Variants in TLE2 observed in about 807,000 individuals in gnomAD.
TLE2 encodes TLE family member 2, transcriptional corepressor, also known as transducin-like enhancer protein 2.
A neutral mutation model predicts 97.2 loss-of-function variants in TLE2; 74 were observed. The ratio of observed to expected loss-of-function variants is 0.76; its 90% confidence interval spans 0.63 to 0.92. TLE2 has a LOEUF of 0.92. Ranked by LOEUF, TLE2 falls within the 40% of genes least tolerant of loss-of-function variation. The pLI, the probability that TLE2 is intolerant of heterozygous loss-of-function variation, is 0.00. For synonymous variants in TLE2, 499 were observed against 432.1 expected, an observed-to-expected ratio of 1.15 and a Z score of -1.92; for missense variants, 1,038 against 1,008.7, an observed-to-expected ratio of 1.03 and a Z score of -0.39.
intron 1 of TLE2, among the ~76,000 whole-genome samples, chr19:3,041,862 G>A (rs2090105569): frequency 6.6e-6 from 1 of 152,182 alleles, no homozygotes; most frequent in Admixed American, 6.5e-5. Context: ...GAGAGGCCTA[G>A]GGACCTGCCC....
chr19:3,007,815 T>G (rs1467024102), intron 14 of TLE2, among the ~76,000 whole-genome samples: 1 of 152,182 alleles, frequency 6.6e-6, no homozygotes, highest in Non-Finnish European at 1.5e-5. Context: ...GCCGGCACAG[T>G]GGCTCACACC....
At chr19:3,041,875 G>A (rs1348799310) in intron 1 of TLE2, among the ~76,000 whole-genome samples, 1 of 152,136 alleles carries the variant, frequency 6.6e-6, no homozygotes, top group African/African-American at 2.4e-5. Flanking sequence ...ACCTGCCCAC[G>A]GTCACACAGC....
intron 19 of TLE2, among the ~76,000 whole-genome samples, chr19:2,999,137 C>G (rs954979030): frequency 3.3e-5 from 5 of 151,944 alleles, no homozygotes; most frequent in Admixed American, 6.6e-5. Context: ...CAAAACTTAG[C>G]CAGGCATGGT....
chr19:3,006,543 C>A lies in TLE2; in HGVS notation c.1377G>T (p.Val459=). The A allele has an allele frequency of 6.2e-7, 1 of 1,606,054 alleles. No homozygotes were observed. Among genetic ancestry groups the A allele is most frequent in the Non-Finnish European group, 8.5e-7 (1 of 1,177,216 alleles). The change falls in exon 15 of 20, where the codon GTG becomes GTT. Residue 459 remains valine, a synonymous_variant. Transcript: ENST00000262953. ...AGCCGCTGATGGTGACCGCGCAGAC[C>A]ACCTCGCCATGGGCCAGCGTGTGCA... ...RQLHTLAHGE[V]VCAVTISGST...
intron 5 of TLE2, among the ~76,000 whole-genome samples, chr19:3,023,953 C>T (rs2089896294): frequency 6.7e-6 from 1 of 149,908 alleles, no homozygotes; most frequent in Non-Finnish European, 1.5e-5. Flanking sequence ...TGCAAAGGTA[C>T]TGAGGATGAA....
At chr19:3,009,947 C>T (rs1219026291) in intron 12 of TLE2, among the ~76,000 whole-genome samples, 10 of 151,366 alleles carry the variant, frequency 6.6e-5, no homozygotes, top group South Asian at 4.2e-4. Context: ...TTCAGTGGCG[C>T]GATCTCGGCT....
intron 19 of TLE2, 119 bp downstream of exon 19, chr19:3,000,525 TGAG>T: frequency 1.2e-6 from 1 of 853,944 alleles, no homozygotes. Flanking sequence ...TGCAGGACCC[TGAG>T]GAGGGGTTAG....
At chr19:3,042,863 T>G (rs1172529279) in intron 1 of TLE2, among the ~76,000 whole-genome samples, 1 of 151,974 alleles carries the variant, frequency 6.6e-6, no homozygotes, top group Non-Finnish European at 1.5e-5. Context: ...AGTGGGGACT[T>G]GGAGAAGGAG....
intron 5 of TLE2, among the ~76,000 whole-genome samples, chr19:3,021,346 A>G (rs912299527): frequency 6.6e-6 from 1 of 151,124 alleles, no homozygotes; most frequent in South Asian, 2.1e-4. Flanking sequence ...TAGAGATTGC[A>G]GTGAGCCAAG....
rs1365810188 is a variant in TLE2, at chr19:3,005,592, G to C, written c.1749-8C>G. 2 of 1,612,892 alleles carry C rather than the reference G, an allele frequency of 1.2e-6. No homozygotes were observed. Among genetic ancestry groups the C allele is most frequent in the Non-Finnish European group, 1.7e-6 (2 of 1,179,566 alleles). ...GTGTGGCCCTGGAACTGCCTGGAGG[G>C]AGAAGGGCCCAGGCGTCCATCCTGG... On this transcript the variant is annotated splice_region_variant and splice_polypyrimidine_tract_variant and intron_variant, in intron 16 of 19. Coordinates refer to ENST00000262953, the MANE Select transcript of TLE2 (RefSeq NM_003260.5).
intron 9 of TLE2, among the ~76,000 whole-genome samples, chr19:3,015,058 CAAAA>C (rs34658846): frequency 9.2e-5 from 12 of 130,492 alleles, no homozygotes; most frequent in African/African-American, 8.7e-5. Context: ...AATTCATTGC[CAAAA>C]AAAAAAAAAA....
At chr19:2,999,373 C>G (rs926665236) in intron 19 of TLE2, among the ~76,000 whole-genome samples, 9 of 152,050 alleles carry the variant, frequency 5.9e-5, no homozygotes, top group African/African-American at 2.2e-4. Flanking sequence ...CAGCCAATAA[C>G]AAGTGTTGGT....
chr19:3,036,830 G>A (rs1157289964), intron 1 of TLE2, among the ~76,000 whole-genome samples: 2 of 152,198 alleles, frequency 1.3e-5, no homozygotes, highest in Non-Finnish European at 1.5e-5. Flanking sequence ...CCCAAGTTTG[G>A]GAGGAGGGGG....
Position 3,019,844 on chromosome 19 carries a change from C to T in TLE2, c.295-71G>A. On this transcript the variant is annotated intron_variant, in intron 5 of 19. Coordinates refer to ENST00000262953, the MANE Select transcript of TLE2 (RefSeq NM_003260.5). This position sits in a 1 kb window ranked among gnomAD's most constrained non-coding sequence, Gnocchi z 5.1. Reference sequence around the variant, plus strand: ...TCATGCTAGCGGTGCCCTTGGGGACCTGACCTCTCCCCGCCACCCTCTCAT... The same window carrying T: ...TCATGCTAGCGGTGCCCTTGGGGACTTGACCTCTCCCCGCCACCCTCTCAT... The T allele has an allele frequency of 6.5e-7, 1 of 1,535,732 alleles. No individual in the cohort carries two copies.
chr19:3,006,685 G>A lies in TLE2; in HGVS notation c.1251-16C>T. ...GGAGTAGGCCCTGGAGAGAAAGCCG[G>A]GGCATGACCCAGCCCTGGGCACCAC... On this transcript the variant is annotated splice_polypyrimidine_tract_variant and intron_variant, in intron 14 of 19. Transcript: ENST00000262953. 1 of 1,573,542 alleles carries A rather than the reference G, an allele frequency of 6.4e-7. No homozygotes were observed. The highest frequency in any genetic ancestry group is 8.6e-7 in the Non-Finnish European group (1 of 1,156,978).
intron 5 of TLE2, among the ~76,000 whole-genome samples, chr19:3,023,685 G>A (rs2089889733): frequency 6.6e-6 from 1 of 151,970 alleles, no homozygotes. Context: ...TTGAGTCCGG[G>A]GGTTCGAGAC....
intron 1 of TLE2, among the ~76,000 whole-genome samples, chr19:3,040,687 G>A (rs979160728): frequency 2.0e-5 from 3 of 151,744 alleles, no homozygotes; most frequent in South Asian, 2.1e-4. Flanking sequence ...TCACTCCGTC[G>A]CCCAGGCTGG....
intron 18 of TLE2, among the ~76,000 whole-genome samples, chr19:3,001,822 A>C (rs1187833640): frequency 3.8e-5 from 5 of 131,706 alleles, no homozygotes; most frequent in Admixed American, 8.3e-5. Context: ...TTTAAGATAG[A>C]ATCTCACTCT....
At chr19:3,013,389 T>C (rs1229695317) in intron 11 of TLE2, among the ~76,000 whole-genome samples, 1 of 152,052 alleles carries the variant, frequency 6.6e-6, no homozygotes, top group Non-Finnish European at 1.5e-5. Flanking sequence ...GGATTTCCTA[T>C]TGATTGCAAG....
Sources: gnomAD v4.1 joint callset for allele counts (sites outside exome capture counted in the v4.1 genomes callset) on GRCh38, gnomAD v4.1.1 for gene constraint, Gnocchi (gnomAD v3.1) non-coding constraint, MANE v1.5 for transcripts, NCBI Gene and HGNC (gene_info 2026-07-23, HGNC 2026-07-21) for gene names.